ANKRD29: variants seen among roughly 807,000 people sequenced by gnomAD.
ANKRD29 encodes the protein ankyrin repeat domain 29, also known as ankyrin repeat domain-containing protein 29.
In ANKRD29, 32 loss-of-function variants were observed where a neutral mutation model predicts 38.0. The observed-to-expected ratio is 0.84, with a 90% CI of 0.64 to 1.13. ANKRD29 has a LOEUF of 1.13. ANKRD29 is among the 50% of genes most tolerant of loss of function. ANKRD29 has a pLI of 0.00. For synonymous variants in ANKRD29, 135 were observed against 152.4 expected (o/e 0.89, Z 0.84); for missense variants, 357 against 377.9 (o/e 0.94, Z 0.46).
At chr18:23,608,727 TG>T (rs937046589) in intron 9 of ANKRD29, among the ~76,000 whole-genome samples, 2 of 152,224 alleles carry the variant, frequency 1.3e-5, no homozygotes, top group African/African-American at 4.8e-5. Context: ...ATTCAGCTCA[TG>T]GTTTGACTCT....
chr18:23,630,663 T>C (rs908773683), intron 5 of ANKRD29, among the ~76,000 whole-genome samples: 2 of 151,866 alleles, frequency 1.3e-5, no homozygotes, highest in Non-Finnish European at 2.9e-5. Flanking sequence ...AATATACACA[T>C]TTAATATAAT....
intron 9 of ANKRD29, among the ~76,000 whole-genome samples, chr18:23,609,928 G>C (rs1421130842): frequency 1.3e-5 from 2 of 152,174 alleles, no homozygotes; most frequent in Admixed American, 6.6e-5. Context: ...AATTCAATGG[G>C]AATGGGGAAG....
intron 6 of ANKRD29, 70 bp downstream of exon 6, chr18:23,629,783 G>T: frequency 7.9e-7 from 1 of 1,260,744 alleles, no homozygotes. Context: ...GGTATGTGCT[G>T]CCAGCGGACA....
At chr18:23,656,001 G>A (rs1157639428) in intron 1 of ANKRD29, among the ~76,000 whole-genome samples, 1 of 149,180 alleles carries the variant, frequency 6.7e-6, no homozygotes, top group Non-Finnish European at 1.5e-5. Context: ...GCTGAGGCAG[G>A]AGAATGGCGT....
chr18:23,638,360 G>A (rs1485423873), intron 4 of ANKRD29, among the ~76,000 whole-genome samples: 3 of 151,994 alleles, frequency 2.0e-5, no homozygotes, highest in Admixed American at 6.6e-5. Context: ...CTGTAGCTAT[G>A]TATTATGTAT....
At chr18:23,619,500 C>T in intron 7 of ANKRD29, 31 bp downstream of exon 7, 1 of 1,549,698 alleles carries the variant, frequency 6.5e-7, no homozygotes, top group East Asian at 2.3e-5. Flanking sequence ...CGGGAGGCTT[C>T]GCTCTTTGGC....
chr18:23,624,783 C>G (rs1364315377), intron 6 of ANKRD29, among the ~76,000 whole-genome samples: 1 of 152,090 alleles, frequency 6.6e-6, no homozygotes, highest in Non-Finnish European at 1.5e-5. Flanking sequence ...GATTCGAGTA[C>G]CGATGGATGG....
chr18:23,629,204 C>T (rs1391296040), intron 6 of ANKRD29, among the ~76,000 whole-genome samples: 2 of 152,240 alleles, frequency 1.3e-5, no homozygotes, highest in East Asian at 3.8e-4. Flanking sequence ...AGGCTGGCCT[C>T]AAACTCCTGG....
intron 9 of ANKRD29, among the ~76,000 whole-genome samples, chr18:23,610,837 C>A (rs2059632568): frequency 6.6e-6 from 1 of 152,152 alleles, no homozygotes; most frequent in African/African-American, 2.4e-5. Context: ...CACACCACCA[C>A]ACCTGGCTAA....
At chr18:23,605,833 A>T (rs1325976492) in intron 9 of ANKRD29, among the ~76,000 whole-genome samples, 17 of 152,062 alleles carry the variant, frequency 1.1e-4, no homozygotes, top group Admixed American at 1.1e-3. Flanking sequence ...AGCCAATTAC[A>T]CAAAATTTTA....
chr18:23,628,664 C>A (rs1428660662), intron 6 of ANKRD29, among the ~76,000 whole-genome samples: 3 of 151,940 alleles, frequency 2.0e-5, no homozygotes. Context: ...GGCTCTCTAC[C>A]AAAATGTATC....
At chr18:23,631,663 C>T (rs1395663203) in intron 5 of ANKRD29, among the ~76,000 whole-genome samples, 1 of 152,180 alleles carries the variant, frequency 6.6e-6, no homozygotes, top group Non-Finnish European at 1.5e-5. Flanking sequence ...TCTGCCAGCC[C>T]AGCAGACACC....
rs761647923 is a variant in ANKRD29 at position 23,612,128 on chromosome 18, G to C, written c.786C>G (p.Leu262=). The C allele has an allele frequency of 2.0e-5, 33 of 1,613,712 alleles. No homozygotes were observed. The South Asian group carries it at 3.4e-4, about 17-fold the overall frequency. ...GGGATGGGTCTGCCCCTGCTTCTAG[G>C]AGCAGCGCAACTGTTTTAATGTTTC... is the stretch of plus-strand genomic sequence containing the variant. The part of the protein sequence containing the change: ...LSGNIKTVAL[L]LEAGADPSLR... The change falls in exon 9 of 10, where the codon CTC becomes CTG. Residue 262 remains leucine, a synonymous_variant. Transcript: ENST00000592179.
intron 1 of ANKRD29, among the ~76,000 whole-genome samples, chr18:23,649,974 C>T (rs906997253): frequency 4.6e-5 from 7 of 152,214 alleles, no homozygotes; most frequent in African/African-American, 1.4e-4. Flanking sequence ...GTGATCCTCC[C>T]GCCTTGGCCT....
At chr18:23,654,279 AAAATAAAT>A (rs71163628) in intron 1 of ANKRD29, among the ~76,000 whole-genome samples, 8,086 of 136,518 alleles carry the variant, frequency 0.059, 508 homozygotes, top group Admixed American at 0.18. Context: ...GCCTCCACAA[AAAATAAAT>A]AAATAAATAA....
At chr18:23,639,596 T>C (rs892215920) in intron 3 of ANKRD29, among the ~76,000 whole-genome samples, 5 of 149,854 alleles carry the variant, frequency 3.3e-5, no homozygotes, top group African/African-American at 1.2e-4. Context: ...AGTGCAGTGG[T>C]GCCATCTCGG....
At chr18:23,610,458 C>G (rs2059627547) in intron 9 of ANKRD29, among the ~76,000 whole-genome samples, 1 of 152,092 alleles carries the variant, frequency 6.6e-6, no homozygotes, top group African/African-American at 2.4e-5. Context: ...AGCCTGTCAA[C>G]AGAGTGAGAC....
At position 23,662,700 on chromosome 18, in the gene ANKRD29, G is replaced by A. The variant is rs369677929; in HGVS notation, c.21+10C>T. The A allele has an allele frequency of 4.0e-4, 581 of 1,459,570 alleles. No homozygotes were observed. The African/African-American group carries it at 7.3e-3, about 18-fold the overall frequency. The allele number at this position is 1,459,570 out of a possible 1,614,324, so 90.4% of individuals were successfully genotyped here. On this transcript the variant is annotated intron_variant, in intron 1 of 9. Coordinates refer to ENST00000592179, the MANE Select transcript of ANKRD29 (RefSeq NM_173505.4). ...GCCCCAGCCCTGACCCCGGAGTCCC[G>A]GTCGCTCACCTTGAAGGACATCCTG...
chr18:23,655,822 G>A (rs2060272796), intron 1 of ANKRD29, among the ~76,000 whole-genome samples: 1 of 149,270 alleles, frequency 6.7e-6, no homozygotes, highest in Non-Finnish European at 1.5e-5. Context: ...GGCCGGGCGC[G>A]GTGGCTCACG....
Sources: allele counts gnomAD v4.1 joint callset (sites outside exome capture counted in the v4.1 genomes callset), GRCh38; gene constraint gnomAD v4.1.1; transcripts MANE v1.5; gene names NCBI Gene and HGNC (gene_info 2026-07-23, HGNC 2026-07-21).